The following SERPINA3 variants were observed in gnomAD, a reference collection of about 807,000 sequenced individuals.
SERPINA3 encodes alpha-1-antichymotrypsin.
A neutral mutation model predicts 26.8 loss-of-function variants in SERPINA3; 32 were observed. That is an observed-to-expected ratio of 1.20 (90% CI 0.90 to 1.61). The LOEUF (loss-of-function observed/expected upper bound fraction) is 1.61, where lower values mean the gene tolerates loss of function less well. SERPINA3 is among the 40% of genes most tolerant of loss of function. SERPINA3 has a pLI of 0.00. For synonymous variants in SERPINA3, 252 were observed against 206.4 expected, an observed-to-expected ratio of 1.22 and a Z score of -1.89; for missense variants, 632 against 517.9, an observed-to-expected ratio of 1.22 and a Z score of -2.14.
chr14:94,618,883 A>C (rs1866179972), intron 2 of SERPINA3: 2 of 491,722 alleles, frequency 4.1e-6, no homozygotes, highest in Non-Finnish European at 7.4e-6. Flanking sequence ...CCAGCCTCCC[A>C]CATGTTGTCA....
Position 94,619,436 on chromosome 14 carries a change from C to A in SERPINA3, c.885C>A (p.Thr295=). The change falls in exon 3 of 5, where the codon ACC becomes ACA. Residue 295 remains threonine (T), a synonymous_variant. Coordinates refer to ENST00000393078, the MANE Select transcript of SERPINA3 (RefSeq NM_001085.5). ...EEVEAMLLPE[T]LKRWRDSLEF... is the part of the protein sequence containing the mutation. The stretch of plus-strand genomic sequence containing the variant: ...TGGAAGCCATGCTGCTCCCAGAGAC[C>A]CTGAAGCGGTGGAGAGACTCTCTGG... 6.2e-7 allele frequency: 1 copy of A among 1,614,136 alleles called. No individual in the cohort carries two copies. The highest frequency in any genetic ancestry group is 8.5e-7 in the Non-Finnish European group (1 of 1,180,038).
At chr14:94,623,134 GT>G (rs575966605) in intron 4 of SERPINA3, among the ~76,000 whole-genome samples, 39 of 152,318 alleles carry the variant, frequency 2.6e-4, no homozygotes, top group Admixed American at 4.6e-4. Flanking sequence ...GCCATGAAAA[GT>G]ACTTGAAAGC....
chr14:94,623,786 G>C lies in SERPINA3; in HGVS notation c.1244G>C (p.Ser415Thr). The change falls in exon 5 of 5, where the codon AGC (serine) becomes ACC (threonine). Residue 415 changes from serine (S) to threonine (T), a missense_variant. Ser to Thr is a moderately conservative substitution (Grantham distance 58). Transcript: ENST00000393078. The stretch of plus-strand genomic sequence containing the variant: ...GACACCCAGAACATCTTCTTCATGA[G>C]CAAAGTCACCAATCCCAAGCAAGCC... ...PTDTQNIFFMSKVTNPKQA is the reference protein window; with the variant it reads ...PTDTQNIFFMTKVTNPKQA 1 of 1,614,086 alleles carries C rather than the reference G, an allele frequency of 6.2e-7. No homozygotes were observed. The highest frequency in any genetic ancestry group is 8.5e-7 in the Non-Finnish European group (1 of 1,180,020).
chr14:94,620,674 G>A (rs1886167443), intron 3 of SERPINA3, among the ~76,000 whole-genome samples: 1 of 152,204 alleles, frequency 6.6e-6, no homozygotes, highest in Admixed American at 6.5e-5. Flanking sequence ...CACTGTGGCT[G>A]GGATCCAGGA....
At chr14:94,617,402 T>G (rs1886043149) in intron 2 of SERPINA3, among the ~76,000 whole-genome samples, 2 of 152,052 alleles carry the variant, frequency 1.3e-5, no homozygotes, top group Admixed American at 6.5e-5. Context: ...AGAAGGAAGA[T>G]GAGGGCACAA....
Position 94,623,693 on chromosome 14 carries a change from C to T in SERPINA3, c.1151C>T (p.Ser384Phe). ...AATAVKITLL[S>F]ALVETRTIVR... ...ACAGCAGTCAAAATCACCCTCCTTT[C>T]TGCATTAGTGGAGACAAGGACCATT... The change falls in exon 5 of 5, where the codon TCT becomes TTT. Residue 384 changes from serine to phenylalanine, a missense_variant. Physicochemically the swap from Ser to Phe is radical, Grantham distance 155. Transcript: ENST00000393078. 2 of 1,614,196 alleles carry T rather than the reference C, an allele frequency of 1.2e-6. No individual in the cohort carries two copies. The highest frequency in any genetic ancestry group is 1.7e-6 in the Non-Finnish European group (2 of 1,180,006).
intron 1 of SERPINA3, chr14:94,613,502 G>C (rs1049574295): frequency 2.6e-5 from 4 of 152,192 alleles, no homozygotes; most frequent in African/African-American, 9.7e-5. Context: ...TGACTGCTCG[G>C]TACGTCTAAT....
chr14:94,619,524 A>G (rs2139961302), intron 3 of SERPINA3, 56 bp downstream of exon 3: 2 of 1,600,994 alleles, frequency 1.2e-6, no homozygotes, highest in Non-Finnish European at 1.7e-6. Context: ...GGTCTCACCA[A>G]TGTCCAGGGA....
chr14:94,623,537 A>T, intron 4 of SERPINA3, 74 bp from the exon 5 acceptor site: 1 of 1,370,202 alleles, frequency 7.3e-7, no homozygotes, highest in Non-Finnish European at 1.0e-6. Context: ...TAGACCCCTT[A>T]GTGGCACACA....
At chr14:94,612,809 A>T (rs1885833029) in intron 1 of SERPINA3, among the ~76,000 whole-genome samples, 1 of 152,120 alleles carries the variant, frequency 6.6e-6, no homozygotes, top group African/African-American at 2.4e-5. Flanking sequence ...CATGTGGCAG[A>T]TGTGATTATT....
intron 3 of SERPINA3, among the ~76,000 whole-genome samples, chr14:94,620,753 C>T (rs1203293721): frequency 6.6e-6 from 1 of 152,146 alleles, no homozygotes; most frequent in Non-Finnish European, 1.5e-5. Flanking sequence ...TGCTGGGACA[C>T]ACGGAATTGA....
At chr14:94,620,991 GTTTTCACTGGGT>G (rs1886182014) in intron 3 of SERPINA3, among the ~76,000 whole-genome samples, 1 of 152,134 alleles carries the variant, frequency 6.6e-6, no homozygotes, top group Non-Finnish European at 1.5e-5. Flanking sequence ...CACCACCCCT[GTTTTCACTGGGT>G]GATTGTGAGA....
At position 94,615,105 on chromosome 14, in the gene SERPINA3, G is replaced by A. The variant is rs762858204; in HGVS notation, c.643+21G>A. The A allele has an allele frequency of 4.3e-6, 7 of 1,612,398 alleles. No individual in the cohort carries two copies. The East Asian group carries it at 1.1e-4, about 26-fold the overall frequency. ...TAAAGGTGAGTGTGCCTGGCTTGGG[G>A]TTCAGAAGAGGTGGATCTCAGGGCC... On this transcript the variant is annotated intron_variant, in intron 2 of 4. Coordinates refer to ENST00000393078, the MANE Select transcript of SERPINA3 (RefSeq NM_001085.5).
intron 4 of SERPINA3, chr14:94,622,740 A>G (rs1450831125): frequency 5.4e-6 from 3 of 556,514 alleles, no homozygotes; most frequent in Middle Eastern, 4.9e-4. Flanking sequence ...CATGGACACC[A>G]TTCCACACTA....
chr14:94,614,190 C>T, intron 1 of SERPINA3: 1 of 544,126 alleles, frequency 1.8e-6, no homozygotes, highest in Non-Finnish European at 3.3e-6. Context: ...CAAGCCCCCT[C>T]ACCGCTCTGT....
Position 94,612,463 on chromosome 14 carries a change from TTA to T in SERPINA3, c.-9+17_-9+18del, listed in dbSNP as rs1885816371. Reference sequence around the variant, plus strand: ...CCTGAGGCAGGTAATCCATGATGTTTTACATCCTGGGAGCGGAGGAATCTGTT... The same window carrying T: ...CCTGAGGCAGGTAATCCATGATGTTTCATCCTGGGAGCGGAGGAATCTGTT... On this transcript the variant is annotated intron_variant, in intron 1 of 4. Transcript: ENST00000393078. 1 of 1,346,688 alleles carries T rather than the reference TTA, an allele frequency of 7.4e-7. No individual in the cohort carries two copies. Among genetic ancestry groups the T allele is most frequent in the Non-Finnish European group, 9.9e-7 (1 of 1,005,228 alleles). 83.4% of individuals were successfully genotyped at this position (1,346,688 alleles called of 1,614,324 possible). A position where few individuals can be genotyped will look rare whatever the true frequency, so the allele number is the denominator to read the frequency against.
At chr14:94,617,625 A>C (rs921026939) in intron 2 of SERPINA3, 2 of 152,174 alleles carry the variant, frequency 1.3e-5, no homozygotes, top group Admixed American at 6.5e-5. Flanking sequence ...CCAGAAAAGC[A>C]AATAATTAAA....
Position 94,612,686 on chromosome 14 carries a change from C to G in SERPINA3, c.-9+239C>G, listed in dbSNP as rs116814299. ...AAAGGGTGGAGGTGCCCTGGGGCCTCTATGGTCATTTCTGCCTTGATACTT... is the reference window on the plus strand; with the variant it reads ...AAAGGGTGGAGGTGCCCTGGGGCCTGTATGGTCATTTCTGCCTTGATACTT... On this transcript the variant is annotated intron_variant, in intron 1 of 4. Coordinates refer to ENST00000393078, the MANE Select transcript of SERPINA3 (RefSeq NM_001085.5). Among the ~76,000 whole-genome samples the G allele has an allele frequency of 5.1e-3, 780 of 152,312 alleles. 6 individuals are homozygous for G. Among genetic ancestry groups the G allele is most frequent in the African/African-American group, 0.018 (739 of 41,570 alleles).
chr14:94,622,338 TAG>T lies in SERPINA3; in HGVS notation c.921_922del, dbSNP rs1452195621. On this transcript the variant is annotated splice_acceptor_variant, in intron 3 of 4. Transcript: ENST00000393078. LOFTEE classifies it high-confidence loss of function. ...CAGATACTTTTTTTTTCTCGTTTTC[TAG>T]AGAGATAGGTGAGCTCTACCTGCCA... The T allele has an allele frequency of 6.2e-7, 1 of 1,614,030 alleles. No homozygotes were observed. The highest frequency in any genetic ancestry group is 1.7e-5 in the Admixed American group (1 of 60,022).
Sources: gnomAD v4.1 joint callset for allele counts (sites outside exome capture counted in the v4.1 genomes callset) on GRCh38, gnomAD v4.1.1 for gene constraint, MANE v1.5 for transcripts, NCBI Gene and HGNC (gene_info 2026-07-23, HGNC 2026-07-21) for gene names.